The following BANK1 variants were observed in gnomAD, a reference collection of about 807,000 sequenced individuals.
BANK1 encodes B-cell scaffold protein with ankyrin repeats.
BANK1 carries 95 observed loss-of-function variants against 94.5 expected under a neutral mutation model. The ratio of observed to expected loss-of-function variants is 1.00; its 90% CI spans 0.85 to 1.19. BANK1 has a LOEUF of 1.19. Ranked by LOEUF, BANK1 falls within the 50% of genes most tolerant of loss-of-function variation. BANK1 has a pLI of 0.00. For missense variants in BANK1, 987 were observed against 932.2 expected (o/e 1.06, Z -0.77); for synonymous variants, 334 against 308.4 (o/e 1.08, Z -0.87).
chr4:101,857,889 G>A (rs1727735160), intron 3 of BANK1, among the ~76,000 whole-genome samples: 1 of 151,636 alleles, frequency 6.6e-6, no homozygotes, highest in African/African-American at 2.4e-5. Context: ...GTATTTTTTG[G>A]ACTTTTCTTT....
Position 102,021,600 on chromosome 4 carries a change from T to C in BANK1, c.1285+8T>C, listed in dbSNP as rs756534391. 4.8e-6 allele frequency: 6 copies of C among 1,241,224 alleles called. No individual in the cohort carries two copies. The East Asian group carries it at 7.8e-5, about 16-fold the overall frequency. The allele number at this position is 1,241,224 out of a possible 1,614,324, so 76.9% of individuals were successfully genotyped here. A position where few individuals can be genotyped will look rare whatever the true frequency, so the allele number is the denominator to read the frequency against. On this transcript the variant is annotated splice_region_variant and intron_variant, in intron 8 of 16. Coordinates refer to ENST00000322953, the MANE Select transcript of BANK1 (RefSeq NM_017935.5). ...TTTCCACATATATTCCTTGTAAGTT[T>C]TTCCATGTTATATATATATATGACA... is the stretch of plus-strand genomic sequence containing the variant.
chr4:101,886,010 T>C (rs1371592258), intron 5 of BANK1, among the ~76,000 whole-genome samples: 1 of 152,172 alleles, frequency 6.6e-6, no homozygotes, highest in Non-Finnish European at 1.5e-5. Context: ...TATAAAATAT[T>C]TTTAAAAAGT....
At chr4:101,796,943 T>C (rs17031641) in intron 1 of BANK1, among the ~76,000 whole-genome samples, 41,392 of 151,902 alleles carry the variant, frequency 0.27, 5,966 homozygotes, top group Non-Finnish European at 0.32. Context: ...CTTCAACTCC[T>C]CTGGTATATG....
intron 7 of BANK1, among the ~76,000 whole-genome samples, chr4:102,013,899 T>C (rs940981725): frequency 6.6e-6 from 1 of 152,134 alleles, no homozygotes; most frequent in Non-Finnish European, 1.5e-5. Flanking sequence ...GAGATAATTT[T>C]CGAGTGTTTT....
At chr4:101,987,595 T>C (rs1440969985) in intron 7 of BANK1, among the ~76,000 whole-genome samples, 4 of 152,110 alleles carry the variant, frequency 2.6e-5, no homozygotes, top group African/African-American at 4.8e-5. Flanking sequence ...TTGGCAGGAG[T>C]GTATCTTTGT....
chr4:102,009,436 T>C (rs1726411092), intron 7 of BANK1, among the ~76,000 whole-genome samples: 1 of 152,230 alleles, frequency 6.6e-6, no homozygotes, highest in Non-Finnish European at 1.5e-5. Context: ...TGCTTTTGAA[T>C]ATTTTATTGT....
chr4:101,934,017 G>A (rs1054151480), intron 7 of BANK1, among the ~76,000 whole-genome samples: 1 of 151,386 alleles, frequency 6.6e-6, no homozygotes, highest in Non-Finnish European at 1.5e-5. Flanking sequence ...CTGCAACCAC[G>A]TAAATATTGT....
chr4:101,808,512 G>C (rs1725635723), intron 1 of BANK1, among the ~76,000 whole-genome samples: 3 of 152,060 alleles, frequency 2.0e-5, no homozygotes, highest in African/African-American at 7.2e-5. Flanking sequence ...TCACCATTAG[G>C]TTATTTAAAA....
chr4:101,896,833 T>A (rs1344662976), intron 6 of BANK1, among the ~76,000 whole-genome samples: 1 of 151,992 alleles, frequency 6.6e-6, no homozygotes, highest in Non-Finnish European at 1.5e-5. Context: ...GGATTTTACC[T>A]AGGTCTTAAA....
chr4:101,956,864 A>G, intron 7 of BANK1, among the ~76,000 whole-genome samples: 1 of 152,214 alleles, frequency 6.6e-6, no homozygotes, highest in Non-Finnish European at 1.5e-5. Flanking sequence ...TACAGATAGA[A>G]AATTGACAAT....
In BANK1 at chr4:102,025,492, C is replaced by A. The variant is rs753585763; in HGVS notation, c.1577C>A (p.Pro526His). 6 of 1,613,214 alleles carry A rather than the reference C, an allele frequency of 3.7e-6. No individual in the cohort carries two copies. Among genetic ancestry groups the A allele is most frequent in the Middle Eastern group, 1.7e-4 (1 of 5,986 alleles). Residue 526 changes from proline (P) to histidine (H), a missense_variant, in exon 9 of 17, where the codon CCT (proline) becomes CAT (histidine). Transcript: ENST00000322953. The part of the protein sequence containing the change: ...PVANAFQLER[P>H]HFTLPGTMVE... ...GCTAATGCCTTCCAACTGGAAAGAC[C>A]TCACTTCACCTTACCAGGTAAGTTT...
chr4:101,858,583 T>C (rs1727763304), intron 3 of BANK1, among the ~76,000 whole-genome samples: 1 of 152,178 alleles, frequency 6.6e-6, no homozygotes, highest in African/African-American at 2.4e-5. Context: ...TCCCCAAATC[T>C]CTTACTTCCT....
intron 2 of BANK1, among the ~76,000 whole-genome samples, chr4:101,840,808 C>T (rs1221119472): frequency 6.6e-6 from 1 of 152,124 alleles, no homozygotes; most frequent in Non-Finnish European, 1.5e-5. Context: ...TTGAAATCCT[C>T]TAGCACCTCT....
intron 6 of BANK1, among the ~76,000 whole-genome samples, chr4:101,913,731 C>A (rs1286769003): frequency 2.6e-5 from 4 of 152,290 alleles, no homozygotes; most frequent in South Asian, 4.1e-4. Flanking sequence ...CTGAAACCCC[C>A]ACCTCTCCAA....
intron 6 of BANK1, among the ~76,000 whole-genome samples, chr4:101,907,071 G>GGAAACGAA (rs1722480738): frequency 1.3e-5 from 2 of 152,126 alleles, no homozygotes; most frequent in South Asian, 4.1e-4. Flanking sequence ...ATCCCTTATG[G>GGAAACGAA]GAAACGAAGG....
At chr4:101,862,298 C>A (rs913896064) in intron 3 of BANK1, among the ~76,000 whole-genome samples, 5 of 151,598 alleles carry the variant, frequency 3.3e-5, no homozygotes, top group Non-Finnish European at 7.4e-5. Context: ...CAAAATATGG[C>A]ATTAGAGGGA....
At chr4:101,828,576 A>G (rs1176313463) in intron 1 of BANK1, among the ~76,000 whole-genome samples, 1 of 151,998 alleles carries the variant, frequency 6.6e-6, no homozygotes, top group African/African-American at 2.4e-5. Context: ...TATGCAATAT[A>G]TACTCTTTCT....
chr4:101,907,378 T>C (rs1722490493), intron 6 of BANK1, among the ~76,000 whole-genome samples: 5 of 152,140 alleles, frequency 3.3e-5, no homozygotes, highest in Admixed American at 2.6e-4. Flanking sequence ...AAACTCTCAA[T>C]AAATTAGGTA....
Position 102,019,573 on chromosome 4 carries a change from C to G in BANK1, c.1207-1941C>G, listed in dbSNP as rs72931994. Among the ~76,000 whole-genome samples, 1,008 of 152,282 alleles carry G rather than the reference C, an allele frequency of 6.6e-3. 12 individuals are homozygous for G. The highest frequency in any genetic ancestry group is 0.023 in the African/African-American group (944 of 41,558). ...ATATATGATAGAGCTGCGATTTGTA[C>G]TTAAATTGACTCCAAAGTCTATGTT... On this transcript the variant is annotated intron_variant, in intron 7 of 16. Coordinates refer to ENST00000322953, the MANE Select transcript of BANK1 (RefSeq NM_017935.5).
Sources: gnomAD v4.1 joint callset for allele counts (sites outside exome capture counted in the v4.1 genomes callset) on GRCh38, gnomAD v4.1.1 for gene constraint, MANE v1.5 for transcripts, NCBI Gene and HGNC (gene_info 2026-07-23, HGNC 2026-07-21) for gene names.